Variants in PTPRN2 observed in about 807,000 individuals in gnomAD.
PTPRN2 encodes receptor-type tyrosine-protein phosphatase N2.
Under a neutral mutation model 118.8 loss-of-function variants are expected in PTPRN2, and 74 were observed. That is an observed-to-expected ratio of 0.62 (90% CI 0.52 to 0.76). The LOEUF (loss-of-function observed/expected upper bound fraction) is 0.76. Ranked by LOEUF, PTPRN2 falls within the 30% of genes least tolerant of loss-of-function variation. PTPRN2 has a pLI of 0.00. For synonymous variants in PTPRN2, 641 were observed against 608.0 expected (o/e 1.05, Z -0.80); for missense variants, 1,481 against 1,394.4 (o/e 1.06, Z -0.99).
chr7:158,344,616 G>A (rs1375547608), intron 2 of PTPRN2, among the ~76,000 whole-genome samples: 1 of 152,256 alleles, frequency 6.6e-6, no homozygotes, highest in East Asian at 1.9e-4. Context: ...AAGAATGAGT[G>A]AGATGTAAAA....
intron 12 of PTPRN2, among the ~76,000 whole-genome samples, chr7:157,735,036 C>T (rs568661961): frequency 2.6e-5 from 4 of 152,368 alleles, no homozygotes; most frequent in African/African-American, 4.8e-5. Flanking sequence ...TGCAGCAGGA[C>T]GGTTAGTGGT....
intron 10 of PTPRN2, among the ~76,000 whole-genome samples, chr7:158,085,237 CA>C (rs1813226110): frequency 7.3e-6 from 1 of 136,098 alleles, no homozygotes; most frequent in African/African-American, 2.9e-5. Flanking sequence ...CATCCACACC[CA>C]CGACACCCAT....
intron 17 of PTPRN2, among the ~76,000 whole-genome samples, chr7:157,580,781 C>T (rs981340162): frequency 4.0e-5 from 5 of 123,796 alleles, no homozygotes; most frequent in East Asian, 4.9e-4. Context: ...CCTGCACACC[C>T]GAGCCCCTGC....
chr7:158,527,523 C>T (rs1161703254), intron 1 of PTPRN2, among the ~76,000 whole-genome samples: 1 of 152,156 alleles, frequency 6.6e-6, no homozygotes, highest in Non-Finnish European at 1.5e-5. Context: ...CCATTTCCTC[C>T]TTCTGAGAAT....
intron 10 of PTPRN2, among the ~76,000 whole-genome samples, chr7:158,107,169 C>G (rs1475822654): frequency 6.6e-6 from 1 of 152,098 alleles, no homozygotes. Context: ...ATCTCCTGAT[C>G]CCATCAGAAA....
chr7:157,849,050 C>T (rs1260217160), intron 12 of PTPRN2, among the ~76,000 whole-genome samples: 2 of 152,210 alleles, frequency 1.3e-5, no homozygotes, highest in Non-Finnish European at 2.9e-5. Context: ...GTCTGCGGAG[C>T]CCCTCGGTCC....
chr7:158,374,507 ATTGT>A (rs1410610416), intron 2 of PTPRN2, among the ~76,000 whole-genome samples: 2 of 152,180 alleles, frequency 1.3e-5, no homozygotes, highest in Non-Finnish European at 2.9e-5. Flanking sequence ...TGTAAAAAGG[ATTGT>A]ACAAGAATGT....
At chr7:158,496,501 G>A (rs117915963) in intron 1 of PTPRN2, among the ~76,000 whole-genome samples, 2,438 of 4,988 alleles carry the variant, frequency 0.49, 766 homozygotes, top group South Asian at 0.83. Context: ...CCTTCCCTGC[G>A]CCCCACCTTC....
At chr7:157,822,058 T>A (rs1806875547) in intron 12 of PTPRN2, among the ~76,000 whole-genome samples, 1 of 151,250 alleles carries the variant, frequency 6.6e-6, no homozygotes, top group Non-Finnish European at 1.5e-5. Context: ...ATCCATTCAC[T>A]CATCCATCCA....
rs559712755 is a variant in PTPRN2 at position 157,925,189 on chromosome 7, G to T, written c.1724-26452C>A. Among the ~76,000 whole-genome samples, 5 of 147,620 alleles carry T rather than the reference G, an allele frequency of 3.4e-5. No individual in the cohort carries two copies. The South Asian group carries it at 8.8e-4, about 26-fold the overall frequency. The stretch of plus-strand genomic sequence containing the variant: ...TTATTGAAATGTAGTCAGGATGCAG[G>T]CACCTGCATTTAGCACGTCAGGCAA... On this transcript the variant is annotated intron_variant, in intron 11 of 22. Transcript: ENST00000389418.
At chr7:157,555,891 C>T (rs1798851483) in intron 21 of PTPRN2, among the ~76,000 whole-genome samples, 1 of 152,196 alleles carries the variant, frequency 6.6e-6, no homozygotes, top group Non-Finnish European at 1.5e-5. Context: ...AGTTCCCGTG[C>T]CCCAGGAGCG....
chr7:157,696,462 A>G (rs1183721373), intron 12 of PTPRN2, among the ~76,000 whole-genome samples: 9 of 134,512 alleles, frequency 6.7e-5, no homozygotes, highest in Admixed American at 1.5e-4. Flanking sequence ...AGCCCTCACC[A>G]TCTACCCATG....
At chr7:158,292,312 G>A (rs934894988) in intron 3 of PTPRN2, among the ~76,000 whole-genome samples, 23 of 152,196 alleles carry the variant, frequency 1.5e-4, no homozygotes, top group African/African-American at 3.1e-4. Context: ...GATGGAGCCC[G>A]CCTCCTGGTG....
intron 11 of PTPRN2, among the ~76,000 whole-genome samples, chr7:157,952,769 C>T (rs1316243259): frequency 6.6e-6 from 1 of 152,118 alleles, no homozygotes; most frequent in East Asian, 1.9e-4. Flanking sequence ...GGGACAGGAA[C>T]CCCAGGGGAA....
intron 12 of PTPRN2, among the ~76,000 whole-genome samples, chr7:157,877,738 C>T (rs1795865344): frequency 6.6e-6 from 1 of 152,194 alleles, no homozygotes; most frequent in African/African-American, 2.4e-5. Flanking sequence ...AGCCAGGTCT[C>T]AGGAACAGGC....
At chr7:158,484,229 C>T (rs1417743622) in intron 2 of PTPRN2, among the ~76,000 whole-genome samples, 1 of 152,176 alleles carries the variant, frequency 6.6e-6, no homozygotes, top group African/African-American at 2.4e-5. Flanking sequence ...CAGAGCCTCT[C>T]AGTACCACCA....
In PTPRN2 at chr7:157,819,828, G is replaced by A. The variant is rs146437982; in HGVS notation, c.1788+78845C>T. On this transcript the variant is annotated intron_variant, in intron 12 of 22. Coordinates refer to ENST00000389418, the MANE Select transcript of PTPRN2 (RefSeq NM_002847.5). ...ACACGCAAAACACACTCACACATGC[G>A]ATCACACTGCATGACCCCCCCCACA... 2.1e-4 allele frequency among the ~76,000 whole-genome samples: 31 copies of A among 149,668 alleles called. 1 individual carries two copies. In the Middle Eastern group the frequency reaches 0.01, roughly 50 times the overall value.
intron 11 of PTPRN2, among the ~76,000 whole-genome samples, chr7:158,037,915 A>G (rs186092822): frequency 1.2e-3 from 186 of 152,368 alleles, no homozygotes; most frequent in African/African-American, 4.3e-3. Context: ...GCAGGTGAGT[A>G]TCACAGATGT....
intron 12 of PTPRN2, among the ~76,000 whole-genome samples, chr7:157,789,990 G>A (rs1804346418): frequency 7.7e-6 from 1 of 129,360 alleles, no homozygotes; most frequent in Non-Finnish European, 1.6e-5. Flanking sequence ...TGTGTGTGGT[G>A]GGGGTGTGTG....
Sources: allele counts gnomAD v4.1 joint callset (sites outside exome capture counted in the v4.1 genomes callset), GRCh38; gene constraint gnomAD v4.1.1; transcripts MANE v1.5; gene names NCBI Gene and HGNC (gene_info 2026-07-23, HGNC 2026-07-21).